The following ENOX1 variants were observed in gnomAD, a reference collection of about 807,000 sequenced individuals.
The protein encoded by ENOX1 is ecto-NOX disulfide-thiol exchanger 1, also known as candidate growth-related and time keeping constitutive hydroquinone (NADH) oxidase.
In ENOX1, 42 loss-of-function variants were observed where a neutral mutation model predicts 82.5. The ratio of observed to expected loss-of-function variants is 0.51; its 90% CI spans 0.40 to 0.66. The LOEUF is 0.66. ENOX1 is among the 30% of genes least tolerant of loss of function. ENOX1 has a pLI of 0.00. For synonymous variants in ENOX1, 271 were observed against 282.2 expected (o/e 0.96, Z 0.40); for missense variants, 608 against 811.6 (o/e 0.75, Z 3.05).
intron 5 of ENOX1, among the ~76,000 whole-genome samples, chr13:43,373,567 T>C (rs967831946): frequency 6.6e-6 from 1 of 152,186 alleles, no homozygotes; most frequent in African/African-American, 2.4e-5. Context: ...ATTTTGAGCT[T>C]TTTTACCCAC....
intron 1 of ENOX1, among the ~76,000 whole-genome samples, chr13:43,754,525 G>T (rs1249340777): frequency 6.6e-6 from 1 of 150,638 alleles, no homozygotes; most frequent in Non-Finnish European, 1.5e-5. Context: ...CAGAGACGGG[G>T]TTTCACCATG....
chr13:43,350,842 G>A (rs575920358), intron 8 of ENOX1, among the ~76,000 whole-genome samples: 30 of 152,276 alleles, frequency 2.0e-4, no homozygotes, highest in South Asian at 6.2e-4. Flanking sequence ...CACTGAATAC[G>A]AAACTTAGGT....
chr13:43,283,821 A>C (rs2045542514), intron 12 of ENOX1, among the ~76,000 whole-genome samples: 1 of 151,984 alleles, frequency 6.6e-6, no homozygotes, highest in Non-Finnish European at 1.5e-5. Flanking sequence ...ACAAAGTTTT[A>C]AATTTTTCCT....
intron 2 of ENOX1, among the ~76,000 whole-genome samples, chr13:43,661,340 A>G (rs1594306561): frequency 6.6e-6 from 1 of 152,228 alleles, no homozygotes; most frequent in Non-Finnish European, 1.5e-5. Flanking sequence ...GACAGAATGA[A>G]GAGACGAATC....
At chr13:43,501,317 G>A (rs191660237) in intron 2 of ENOX1, among the ~76,000 whole-genome samples, 1 of 151,918 alleles carries the variant, frequency 6.6e-6, no homozygotes, top group East Asian at 1.9e-4. Flanking sequence ...GATAACAGTA[G>A]TAGACTTCAA....
At chr13:43,483,415 T>C (rs1019350816) in intron 3 of ENOX1, among the ~76,000 whole-genome samples, 9 of 152,136 alleles carry the variant, frequency 5.9e-5, no homozygotes, top group Admixed American at 1.3e-4. Context: ...TTTCCTTGAG[T>C]AAGCAACAAT....
At chr13:43,277,083 T>C (rs978404934) in intron 12 of ENOX1, among the ~76,000 whole-genome samples, 4 of 152,198 alleles carry the variant, frequency 2.6e-5, no homozygotes, top group African/African-American at 9.7e-5. Context: ...TTCAGACGAC[T>C]GATAACAGGA....
At chr13:43,302,452 T>C (rs2046634086) in intron 11 of ENOX1, among the ~76,000 whole-genome samples, 1 of 152,176 alleles carries the variant, frequency 6.6e-6, no homozygotes, top group Non-Finnish European at 1.5e-5. Flanking sequence ...AGTTACTCAG[T>C]AATTTAGAAA....
chr13:43,680,961 A>T (rs1003913608), intron 1 of ENOX1, among the ~76,000 whole-genome samples: 1 of 152,160 alleles, frequency 6.6e-6, no homozygotes, highest in Non-Finnish European at 1.5e-5. Flanking sequence ...TGAAGAAAGA[A>T]AAAACAGAGA....
chr13:43,362,071 G>A (rs1469304085), intron 5 of ENOX1, among the ~76,000 whole-genome samples: 1 of 150,770 alleles, frequency 6.6e-6, no homozygotes, highest in African/African-American at 2.4e-5. Context: ...TACATTTCTG[G>A]CTTCTATTGG....
intron 2 of ENOX1, among the ~76,000 whole-genome samples, chr13:43,644,358 C>T (rs138956161): frequency 9.9e-5 from 15 of 152,258 alleles, no homozygotes; most frequent in South Asian, 4.1e-4. Flanking sequence ...GCTCTGTGTA[C>T]GCCTACAATT....
At chr13:43,778,683 G>A (rs1952067212) in intron 1 of ENOX1, among the ~76,000 whole-genome samples, 1 of 152,116 alleles carries the variant, frequency 6.6e-6, no homozygotes, top group Non-Finnish European at 1.5e-5. Context: ...TTAATGATCT[G>A]ATAGTGAATT....
At chr13:43,382,235 A>C (rs2052097562) in intron 5 of ENOX1, among the ~76,000 whole-genome samples, 1 of 152,162 alleles carries the variant, frequency 6.6e-6, no homozygotes, top group Admixed American at 6.5e-5. Context: ...CCAAAGTAGT[A>C]GACTAAAAAA....
intron 14 of ENOX1, among the ~76,000 whole-genome samples, chr13:43,244,044 C>T (rs1396253379): frequency 6.6e-6 from 1 of 151,620 alleles, no homozygotes; most frequent in Non-Finnish European, 1.5e-5. Context: ...CTCCACAAAA[C>T]CACTGCCTTC....
chr13:43,215,723 G>C (rs2041437222), intron 16 of ENOX1, among the ~76,000 whole-genome samples: 1 of 152,078 alleles, frequency 6.6e-6, no homozygotes, highest in Non-Finnish European at 1.5e-5. Flanking sequence ...TGAACAACCA[G>C]GGGTGCTGGG....
At chr13:43,598,369 A>T (rs968295051) in intron 2 of ENOX1, among the ~76,000 whole-genome samples, 17 of 152,160 alleles carry the variant, frequency 1.1e-4, no homozygotes, top group African/African-American at 4.1e-4. Context: ...GAACAAGATA[A>T]ATGTTTGTTA....
intron 1 of ENOX1, among the ~76,000 whole-genome samples, chr13:43,770,667 C>T (rs557246253): frequency 2.7e-4 from 40 of 147,578 alleles, no homozygotes; most frequent in African/African-American, 9.3e-4. Context: ...ACTTTATCTG[C>T]ATATAGTATA....
chr13:43,319,020 GGA>G (rs1295090527), intron 11 of ENOX1, among the ~76,000 whole-genome samples: 5 of 152,004 alleles, frequency 3.3e-5, no homozygotes, highest in African/African-American at 9.7e-5. Flanking sequence ...AAGGAGAGAG[GGA>G]GAGAGAGGGA....
At chr13:43,414,299 A>G (rs1566158498) in intron 3 of ENOX1, among the ~76,000 whole-genome samples, 1 of 152,154 alleles carries the variant, frequency 6.6e-6, no homozygotes, top group East Asian at 1.9e-4. Context: ...GGTATGTAAG[A>G]TAGTGTGGAA....
Sources: gnomAD v4.1 joint callset for allele counts (sites outside exome capture counted in the v4.1 genomes callset) on GRCh38, gnomAD v4.1.1 for gene constraint, MANE v1.5 for transcripts, NCBI Gene and HGNC (gene_info 2026-07-23, HGNC 2026-07-21) for gene names.